The following HS3ST4 variants were observed in gnomAD, a reference collection of about 807,000 sequenced individuals.
HS3ST4 encodes the protein heparan sulfate glucosamine 3-O-sulfotransferase 4.
In HS3ST4, 17 loss-of-function variants were observed where a neutral mutation model predicts 29.2. The observed-to-expected ratio is 0.58, with a 90% CI of 0.40 to 0.87. The LOEUF is 0.87. Ranked by LOEUF, HS3ST4 falls within the 40% of genes least tolerant of loss-of-function variation. The probability of loss-of-function intolerance (pLI) is 0.00; values close to 1 mark genes in which losing one functional copy is unlikely to be tolerated. For synonymous variants in HS3ST4, 314 were observed against 285.7 expected, an observed-to-expected ratio of 1.10 and a Z score of -1.00; for missense variants, 627 against 634.5, an observed-to-expected ratio of 0.99 and a Z score of 0.13.
intron 1 of HS3ST4, among the ~76,000 whole-genome samples, chr16:26,111,112 G>C (rs1364119245): frequency 3.9e-5 from 6 of 151,916 alleles, no homozygotes; most frequent in African/African-American, 4.8e-5. Flanking sequence ...CCCCAGGCTA[G>C]AATGCTGTTG....
At chr16:25,869,945 G>C (rs1596597167) in intron 1 of HS3ST4, among the ~76,000 whole-genome samples, 1 of 152,172 alleles carries the variant, frequency 6.6e-6, no homozygotes, top group East Asian at 1.9e-4. Context: ...AAGATGCACA[G>C]GACCAGGGAT....
At chr16:25,890,895 G>A (rs182581812) in intron 1 of HS3ST4, among the ~76,000 whole-genome samples, 23 of 152,224 alleles carry the variant, frequency 1.5e-4, no homozygotes, top group African/African-American at 4.6e-4. Context: ...TGAAGAAGGC[G>A]GATCAGCTCC....
intron 1 of HS3ST4, among the ~76,000 whole-genome samples, chr16:26,000,124 T>C (rs73521570): frequency 0.032 from 4,823 of 151,784 alleles, 275 homozygotes; most frequent in African/African-American, 0.11. Context: ...CTCTTGCAAT[T>C]TGTGATACGT....
At chr16:25,876,869 A>T (rs182757556) in intron 1 of HS3ST4, among the ~76,000 whole-genome samples, 30 of 152,068 alleles carry the variant, frequency 2.0e-4, no homozygotes, top group African/African-American at 7.2e-4. Context: ...GTGCTTCCAT[A>T]GCTCTTCAGA....
At chr16:26,084,889 C>T (rs993058531) in intron 1 of HS3ST4, among the ~76,000 whole-genome samples, 6 of 152,164 alleles carry the variant, frequency 3.9e-5, no homozygotes, top group African/African-American at 1.4e-4. Flanking sequence ...GGATTTCAGG[C>T]ATGAGCCATC....
At chr16:25,756,117 CACACACACAT>C (rs1192795363) in intron 1 of HS3ST4, among the ~76,000 whole-genome samples, 1 of 138,516 alleles carries the variant, frequency 7.2e-6, no homozygotes, top group Non-Finnish European at 1.5e-5. Flanking sequence ...TAGAAACACA[CACACACACAT>C]ACACACACAC....
intron 1 of HS3ST4, among the ~76,000 whole-genome samples, chr16:26,051,904 C>T (rs1193101893): frequency 8.1e-5 from 10 of 123,560 alleles, no homozygotes; most frequent in South Asian, 2.8e-4. Flanking sequence ...CTCCCTCCCT[C>T]CCTCCCTCCC....
chr16:26,128,785 G>A (rs1260196372), intron 1 of HS3ST4, among the ~76,000 whole-genome samples: 3 of 152,162 alleles, frequency 2.0e-5, no homozygotes, highest in South Asian at 2.1e-4. Context: ...AGGATAATAC[G>A]TGAAATTGCC....
intron 1 of HS3ST4, among the ~76,000 whole-genome samples, chr16:25,779,301 C>T (rs1175658750): frequency 6.6e-6 from 1 of 152,184 alleles, no homozygotes; most frequent in Non-Finnish European, 1.5e-5. Flanking sequence ...AATGGAAGTC[C>T]ATCACTGTAG....
intron 1 of HS3ST4, among the ~76,000 whole-genome samples, chr16:25,833,829 C>T (rs1239871161): frequency 6.6e-6 from 1 of 152,178 alleles, no homozygotes; most frequent in Non-Finnish European, 1.5e-5. Context: ...ATGTCCCAAT[C>T]ACAGAAAGAG....
chr16:26,002,675 A>T (rs1969221852), intron 1 of HS3ST4, among the ~76,000 whole-genome samples: 1 of 138,696 alleles, frequency 7.2e-6, no homozygotes, highest in African/African-American at 2.7e-5. Context: ...GGGAAAGAGA[A>T]AGAGATAGAG....
intron 1 of HS3ST4, among the ~76,000 whole-genome samples, chr16:25,857,975 T>TTTCTTTC (rs1555469193): frequency 2.6e-5 from 1 of 37,874 alleles, no homozygotes; most frequent in East Asian, 1.1e-3. Context: ...TTTCTTTCTC[T>TTTCTTTC]TTTCTGTCTT....
chr16:25,789,429 TCCTTCCTTCCTTC>T (rs1567240179), intron 1 of HS3ST4, among the ~76,000 whole-genome samples: 1 of 85,830 alleles, frequency 1.2e-5, no homozygotes, highest in African/African-American at 4.9e-5. Context: ...CTTCCTTCCT[TCCTTCCTTCCTTC>T]CTTCCTTCCT....
chr16:25,845,231 G>A lies in HS3ST4; in HGVS notation c.734+152080G>A, dbSNP rs574686572. Among the ~76,000 whole-genome samples the A allele has an allele frequency of 5.9e-5, 9 of 152,200 alleles. No homozygotes were observed. In the South Asian group the frequency reaches 6.2e-4, roughly 11 times the overall value. On this transcript the variant is annotated intron_variant, in intron 1 of 1. Transcript: ENST00000331351. ...TAAAAATTAAAAATAAATGTAGGCC[G>A]GGCACGGGGATTCATGCCTGTAATC...
chr16:25,828,246 T>TTCTA (rs1967245269), intron 1 of HS3ST4, among the ~76,000 whole-genome samples: 1 of 55,918 alleles, frequency 1.8e-5, no homozygotes, highest in Non-Finnish European at 3.4e-5. Flanking sequence ...TTCTTTCTCT[T>TTCTA]TCTTTCTTTC....
chr16:25,718,757 G>T (rs1966474516), intron 1 of HS3ST4, among the ~76,000 whole-genome samples: 1 of 152,140 alleles, frequency 6.6e-6, no homozygotes, highest in South Asian at 2.1e-4. Flanking sequence ...GCATGTACCT[G>T]AGCTCAGAAG....
chr16:26,088,188 C>T (rs111743464), intron 1 of HS3ST4, among the ~76,000 whole-genome samples: 251 of 152,258 alleles, frequency 1.6e-3, no homozygotes, highest in South Asian at 2.7e-3. Context: ...ATTGTATTCT[C>T]GTCCAGAACA....
chr16:25,795,929 G>A (rs897552739), intron 1 of HS3ST4, among the ~76,000 whole-genome samples: 2 of 151,252 alleles, frequency 1.3e-5, no homozygotes, highest in Non-Finnish European at 1.5e-5. Context: ...TCATCACTGT[G>A]AGACTGTCAA....
At chr16:25,904,571 G>A (rs1968161144) in intron 1 of HS3ST4, among the ~76,000 whole-genome samples, 1 of 152,128 alleles carries the variant, frequency 6.6e-6, no homozygotes, top group African/African-American at 2.4e-5. Flanking sequence ...CAGGTTGCTT[G>A]GCTTCCCAGA....
Sources: allele counts gnomAD v4.1 joint callset (sites outside exome capture counted in the v4.1 genomes callset), GRCh38; gene constraint gnomAD v4.1.1; transcripts MANE v1.5; gene names NCBI Gene and HGNC (gene_info 2026-07-23, HGNC 2026-07-21).